TRMT11: variants seen among roughly 807,000 people sequenced by gnomAD.
TRMT11 encodes tRNA (guanine(10)-N(2))-methyltransferase TRMT11.
A neutral mutation model predicts 62.8 loss-of-function variants in TRMT11; 53 were observed. The ratio of observed to expected loss-of-function variants is 0.84; its 90% CI spans 0.68 to 1.06. The LOEUF is 1.06. TRMT11 is among the 50% of genes least tolerant of loss of function. The pLI is 0.00. For synonymous variants in TRMT11, 188 were observed against 190.3 expected (o/e 0.99, Z 0.10); for missense variants, 556 against 553.4 (o/e 1.00, Z -0.05).
intron 21 of TRMT11, among the ~76,000 whole-genome samples, chr6:126,143,722 A>G (rs1777944534): frequency 6.6e-6 from 1 of 152,164 alleles, no homozygotes; most frequent in African/African-American, 2.4e-5. Context: ...TGTTTTTTAT[A>G]ATTCTTTATT....
intron 12 of TRMT11, among the ~76,000 whole-genome samples, chr6:126,036,143 GGA>G (rs1016712344): frequency 8.5e-5 from 13 of 152,084 alleles, no homozygotes; most frequent in African/African-American, 3.1e-4. Flanking sequence ...GGGGCCATGA[GGA>G]GAATAGTGGA....
At chr6:126,199,162 C>T (rs1384364756) in intron 2 of TRMT11, among the ~76,000 whole-genome samples, 1 of 152,162 alleles carries the variant, frequency 6.6e-6, no homozygotes, top group South Asian at 2.1e-4. Context: ...GTTTCTATAA[C>T]AGCTGTGAAC....
intron 17 of TRMT11, among the ~76,000 whole-genome samples, chr6:126,084,863 A>T (rs556193020): frequency 1.3e-5 from 2 of 152,186 alleles, no homozygotes; most frequent in Non-Finnish European, 2.9e-5. Flanking sequence ...CATGATCTCT[A>T]TGAGTCTAAA....
intron 1 of TRMT11, among the ~76,000 whole-genome samples, chr6:126,180,103 GA>G (rs1778440796): frequency 1.3e-5 from 2 of 151,828 alleles, no homozygotes; most frequent in Admixed American, 1.3e-4. Flanking sequence ...AAAGAAATTG[GA>G]AAAAAGATAT....
At chr6:126,065,021 T>C (rs1397454816) in intron 17 of TRMT11, among the ~76,000 whole-genome samples, 1 of 152,148 alleles carries the variant, frequency 6.6e-6, no homozygotes, top group African/African-American at 2.4e-5. Context: ...TGATCCTGCT[T>C]TGAGTCTAGG....
At position 126,011,269 on chromosome 6, in the gene TRMT11, A is replaced by G; in HGVS notation, c.777A>G (p.Lys259=). The G allele has an allele frequency of 5.0e-6, 8 of 1,612,288 alleles. No homozygotes were observed. Among genetic ancestry groups the G allele is most frequent in the Non-Finnish European group, 6.8e-6 (8 of 1,179,220 alleles). The part of the protein sequence containing the change: ...TVHGLGKATR[K]NQKWRGPDEN... The stretch of plus-strand genomic sequence containing the variant: ...TCCCTTCAGGAAAGGCTACTAGGAA[A>G]AACCAGAAGTGGAGAGGACCAGATG... The change falls in exon 9 of 13, where the codon AAA becomes AAG. Residue 259 remains lysine, a synonymous_variant. Transcript: ENST00000334379.
intron 1 of TRMT11, 55 bp from the exon 2 acceptor site, chr6:125,993,702 C>T: frequency 8.3e-7 from 1 of 1,204,488 alleles, no homozygotes; most frequent in East Asian, 2.4e-5. Flanking sequence ...TCCCTTAGTA[C>T]ATTTTTAGTT....
intron 21 of TRMT11, among the ~76,000 whole-genome samples, chr6:126,168,233 C>A (rs934746979): frequency 2.6e-5 from 4 of 152,214 alleles, no homozygotes. Context: ...GCTGTGTAGT[C>A]AGAACCAGTG....
intron 12 of TRMT11, among the ~76,000 whole-genome samples, chr6:126,036,802 A>C (rs1036468889): frequency 7.2e-5 from 11 of 152,050 alleles, no homozygotes; most frequent in African/African-American, 2.2e-4. Context: ...CTTTTGATGA[A>C]AGTTGAAGTA....
the TRMT11 span, among the ~76,000 whole-genome samples, chr6:126,216,307 T>C: frequency 6.6e-6 from 1 of 152,156 alleles, no homozygotes; most frequent in African/African-American, 2.4e-5. Context: ...AGTTTTTCTA[T>C]GTTTTTGATG....
the TRMT11 span, among the ~76,000 whole-genome samples, chr6:126,252,329 A>G: frequency 2.0e-5 from 3 of 152,184 alleles, no homozygotes; most frequent in Non-Finnish European, 4.4e-5. Context: ...GGCCAACAAG[A>G]GTGCCTACAT....
intron 17 of TRMT11, among the ~76,000 whole-genome samples, chr6:126,096,439 ACTCT>A (rs1158445620): frequency 6.6e-6 from 1 of 152,142 alleles, no homozygotes; most frequent in East Asian, 1.9e-4. Context: ...CTTGTCTCTA[ACTCT>A]CAGCAGCAGA....
chr6:126,059,050 T>TC (rs1776454215), intron 17 of TRMT11, among the ~76,000 whole-genome samples: 1 of 149,788 alleles, frequency 6.7e-6, no homozygotes, highest in East Asian at 1.9e-4. Flanking sequence ...CTTATCTTTT[T>TC]TTTTTTTTTT....
chr6:126,064,649 G>A (rs938707516), intron 17 of TRMT11, among the ~76,000 whole-genome samples: 3 of 152,006 alleles, frequency 2.0e-5, no homozygotes, highest in African/African-American at 4.8e-5. Context: ...AGATAAAAAC[G>A]CCCAAACCAT....
At chr6:126,008,759 T>C in intron 8 of TRMT11, 1 of 578,472 alleles carries the variant, frequency 1.7e-6, no homozygotes, top group Non-Finnish European at 3.3e-6. Flanking sequence ...AGTATAACAG[T>C]AGGCTGTTAG....
chr6:126,166,933 C>T (rs144378233), intron 21 of TRMT11, among the ~76,000 whole-genome samples: 50 of 152,268 alleles, frequency 3.3e-4, no homozygotes, highest in African/African-American at 1.2e-3. Flanking sequence ...ACTGCCTACT[C>T]AAGCCTCAAT....
intron 17 of TRMT11, among the ~76,000 whole-genome samples, chr6:126,076,384 A>G (rs1455414466): frequency 3.9e-5 from 6 of 152,184 alleles, no homozygotes; most frequent in African/African-American, 1.2e-4. Flanking sequence ...GTCCTTTGGA[A>G]AATGAAGCCA....
the TRMT11 span, among the ~76,000 whole-genome samples, chr6:126,255,928 C>T: frequency 1.3e-5 from 2 of 152,226 alleles, no homozygotes; most frequent in South Asian, 2.1e-4. Flanking sequence ...AAGAACTGAA[C>T]ATTTATTATC....
chr6:126,239,406 G>T, the TRMT11 span, among the ~76,000 whole-genome samples: 1 of 152,070 alleles, frequency 6.6e-6, no homozygotes, highest in Non-Finnish European at 1.5e-5. Context: ...AGGCCTGGTG[G>T]TGACAAAATC....
Sources: gnomAD v4.1 joint callset for allele counts (sites outside exome capture counted in the v4.1 genomes callset) on GRCh38, gnomAD v4.1.1 for gene constraint, MANE v1.5 for transcripts, NCBI Gene and HGNC (gene_info 2026-07-23, HGNC 2026-07-21) for gene names.